ZNF544: variants seen among roughly 807,000 people sequenced by gnomAD.
ZNF544 encodes the protein zinc finger protein AF020591.
A neutral mutation model predicts 13.5 loss-of-function variants in ZNF544; 10 were observed. That is an observed-to-expected ratio of 0.74 (90% CI 0.46 to 1.25). The LOEUF is 1.25. Ranked by LOEUF, ZNF544 falls within the 50% of genes most tolerant of loss-of-function variation. ZNF544 has a pLI of 0.00. For missense variants in ZNF544, 896 were observed against 845.6 expected (o/e 1.06, Z -0.74); for synonymous variants, 323 against 300.5 (o/e 1.07, Z -0.77).
At chr19:58,255,033 G>A (rs1355360451) in intron 6 of ZNF544, among the ~76,000 whole-genome samples, 14 of 143,428 alleles carry the variant, frequency 9.8e-5, no homozygotes, top group South Asian at 2.3e-4. Context: ...GACTACAGGC[G>A]CCCGCCACCA....
Position 58,241,180 on chromosome 19 carries a change from T to TTTAAATACATATATATATATA in ZNF544, c.-59-2783_-59-2782insAAATACATATATATATATATT, listed in dbSNP as rs2043706390. 8.6e-4 allele frequency among the ~76,000 whole-genome samples: 58 copies of TTTAAATACATATATATATATA among 67,350 alleles called. 3 individuals are homozygous for TTTAAATACATATATATATATA. Among genetic ancestry groups the TTTAAATACATATATATATATA allele is most frequent in the African/African-American group, 3.8e-3 (55 of 14,606 alleles). 44.2% of individuals were successfully genotyped at this position (67,350 alleles called of 152,430 possible). A position where few individuals can be genotyped will look rare whatever the true frequency, so the allele number is the denominator to read the frequency against. On this transcript the variant is annotated intron_variant, in intron 3 of 6. Transcript: ENST00000687789. ...ATATTTAAATATATATATATATATA[T>TTTAAATACATATATATATATA]TTTTTTTTTTTTGTAGAGATAGGGT...
chr19:58,245,428 A>T (rs2044940281), intron 4 of ZNF544, among the ~76,000 whole-genome samples: 1 of 151,486 alleles, frequency 6.6e-6, no homozygotes, highest in South Asian at 2.1e-4. Flanking sequence ...AGCCAGGAAG[A>T]GTAGCTGGGA....
chr19:58,249,085 G>A (rs1319690810), intron 6 of ZNF544, among the ~76,000 whole-genome samples: 4 of 152,122 alleles, frequency 2.6e-5, no homozygotes, highest in Admixed American at 1.3e-4. Flanking sequence ...CACAGAAGGC[G>A]GGGGTTGCCT....
rs777157271 is a variant in ZNF544, at chr19:58,261,080, G to C, written c.474G>C (p.Glu158Asp). The change falls in exon 7 of 7, where the codon GAG becomes GAC. Residue 158 changes from glutamate to aspartate, a missense_variant. Glu to Asp is a conservative substitution (Grantham distance 45, BLOSUM62 2). Coordinates refer to ENST00000687789, the MANE Select transcript of ZNF544 (RefSeq NM_014480.4). ...ERLFAQREHC[E>D]LELGGGYSLP... ...TGTTTGCTCAAAGGGAACATTGTGA[G>C]CTTGAACTTGGGGGAGGTTATTCTC... is the stretch of plus-strand genomic sequence containing the variant. The C allele has an allele frequency of 4.3e-6, 7 of 1,614,198 alleles. No individual in the cohort carries two copies. The highest frequency in any genetic ancestry group is 1.7e-5 in the Admixed American group (1 of 60,012).
At position 58,260,793 on chromosome 19, in the gene ZNF544, C is replaced by T. The variant is rs2048754664; in HGVS notation, c.245-58C>T. On this transcript the variant is annotated intron_variant, in intron 6 of 6. Coordinates refer to ENST00000687789, the MANE Select transcript of ZNF544 (RefSeq NM_014480.4). ...TAAACAGTTGTCTCCTTCATCTCCC[C>T]CTCCCCCTCCCCCTCTGATGCTTCT... 3.5e-6 allele frequency: 5 copies of T among 1,439,978 alleles called. No individual in the cohort carries two copies. In the South Asian group the frequency reaches 7.2e-5, roughly 21 times the overall value. The allele number at this position is 1,439,978 out of a possible 1,614,324, so 89.2% of individuals were successfully genotyped here.
At chr19:58,270,893 T>C (rs1158780680) in intron 5 of ZNF544, among the ~76,000 whole-genome samples, 2 of 152,202 alleles carry the variant, frequency 1.3e-5, no homozygotes, top group African/African-American at 4.8e-5. Flanking sequence ...GATCCTCACC[T>C]GTCAGAGCAG....
rs548860008 is a variant in ZNF544 at position 58,247,095 on chromosome 19, A to G, written c.244+301A>G. Among the ~76,000 whole-genome samples, 12 of 151,736 alleles carry G rather than the reference A, an allele frequency of 7.9e-5. No homozygotes were observed. In the East Asian group the frequency reaches 2.3e-3, roughly 29 times the overall value. ...TTTTAATTAATGTATGTATTTATTT[A>G]TTTATTTTGAGATAGGGTTTTACTC... On this transcript the variant is annotated intron_variant, in intron 6 of 6. Coordinates refer to ENST00000687789, the MANE Select transcript of ZNF544 (RefSeq NM_014480.4).
At chr19:58,266,790 G>A (rs1600418381), downstream of ZNF544, 1 of 152,132 alleles carries the variant, frequency 6.6e-6, no homozygotes, top group South Asian at 2.1e-4. Context: ...TAAAAGATTA[G>A]TTCAGGGGAC....
At chr19:58,269,298 G>A (rs141862148) in intron 5 of ZNF544, among the ~76,000 whole-genome samples, 1 of 152,136 alleles carries the variant, frequency 6.6e-6, no homozygotes, top group African/African-American at 2.4e-5. Flanking sequence ...AGCCAGGCAT[G>A]GTGGCAGCCG....
rs140896870 is a variant in ZNF544, at chr19:58,244,152, C to T, written c.33+96C>T. 7.1e-4 allele frequency: 771 copies of T among 1,080,858 alleles called. 3 individuals are homozygous for T. Among genetic ancestry groups the T allele is most frequent in the African/African-American group, 4.2e-3 (266 of 62,812 alleles). The allele number at this position is 1,080,858 out of a possible 1,614,324, so 67.0% of individuals were successfully genotyped here. ...GCCCCTGCAGGCTGTCACACAGGAG[C>T]GCTCCGCAGTGCTGGCCAGTGCTTC... On this transcript the variant is annotated intron_variant, in intron 4 of 6. Transcript: ENST00000687789.
intron 5 of ZNF544, among the ~76,000 whole-genome samples, chr19:58,269,407 C>A (rs2050328386): frequency 6.9e-6 from 1 of 144,764 alleles, no homozygotes; most frequent in Admixed American, 7.0e-5. Flanking sequence ...TGCACTCCAG[C>A]CTTGGGCGAC....
chr19:58,256,391 T>C (rs538970111), intron 6 of ZNF544, among the ~76,000 whole-genome samples: 9 of 152,118 alleles, frequency 5.9e-5, no homozygotes, highest in Admixed American at 5.9e-4. Flanking sequence ...AGACGGCTAA[T>C]GCTCAAAATT....
chr19:58,243,238 C>T (rs888877906), intron 3 of ZNF544, among the ~76,000 whole-genome samples: 7 of 151,980 alleles, frequency 4.6e-5, no homozygotes, highest in South Asian at 2.1e-4. Flanking sequence ...ATACAGGATG[C>T]GCTTCTGGAA....
intron 5 of ZNF544, among the ~76,000 whole-genome samples, chr19:58,274,787 A>G (rs1169940676): frequency 6.6e-6 from 1 of 152,152 alleles, no homozygotes; most frequent in Non-Finnish European, 1.5e-5. Flanking sequence ...CCATAGCTCC[A>G]TGTTCCCATT....
rs191650350 is a variant in ZNF544 at position 58,233,872 on chromosome 19, A to G, written c.-60+3410A>G. On this transcript the variant is annotated intron_variant, in intron 3 of 6. Transcript: ENST00000687789. ...CTTGGAAATTGTGTCCAGCCTTAAC[A>G]TGTCTTGATTCCCCTCCTCCTACTT... 7.4e-4 allele frequency among the ~76,000 whole-genome samples: 112 copies of G among 152,318 alleles called. 1 individual carries two copies. The highest frequency in any genetic ancestry group is 9.6e-4 in the Non-Finnish European group (65 of 68,030).
At chr19:58,254,732 C>T (rs1413970655) in intron 6 of ZNF544, among the ~76,000 whole-genome samples, 1 of 152,174 alleles carries the variant, frequency 6.6e-6, no homozygotes, top group Non-Finnish European at 1.5e-5. Context: ...GATGTATCTT[C>T]CTGCATTCCT....
chr19:58,267,676 TAAAAAAAAAAAAA>T (rs56839702), downstream of ZNF544: 73,179 of 110,498 alleles, frequency 0.66, 21,320 homozygotes, highest in Middle Eastern at 0.77. Flanking sequence ...AGACTCCATC[TAAAAAAAAAAAAA>T]AAAAAAAAAA....
intron 4 of ZNF544, among the ~76,000 whole-genome samples, chr19:58,245,592 GC>G (rs1464617458): frequency 2.6e-5 from 4 of 152,222 alleles, no homozygotes; most frequent in Non-Finnish European, 5.9e-5. Flanking sequence ...GAGCCACCGT[GC>G]CCGGTCAATC....
chr19:58,240,019 C>A lies in ZNF544; in HGVS notation c.-59-3946C>A, dbSNP rs2043226937. On this transcript the variant is annotated intron_variant, in intron 3 of 6. Coordinates refer to ENST00000687789, the MANE Select transcript of ZNF544 (RefSeq NM_014480.4). Reference sequence around the variant, plus strand: ...GGAGTTGCGTAGACAGTGCTTAATTCTCCAAACGACCATGTGGACCAGGAA... The same window carrying A: ...GGAGTTGCGTAGACAGTGCTTAATTATCCAAACGACCATGTGGACCAGGAA... 2.6e-5 allele frequency among the ~76,000 whole-genome samples: 4 copies of A among 152,134 alleles called. No individual in the cohort carries two copies. The South Asian group carries it at 8.3e-4, about 32-fold the overall frequency.
Sources: allele counts gnomAD v4.1 joint callset (sites outside exome capture counted in the v4.1 genomes callset), GRCh38; gene constraint gnomAD v4.1.1; transcripts MANE v1.5; gene names NCBI Gene and HGNC (gene_info 2026-07-23, HGNC 2026-07-21).